The following ABTB3 variants were observed in gnomAD, a reference collection of about 807,000 sequenced individuals.
The protein encoded by ABTB3 is ankyrin repeat- and BTB/POZ domain-containing protein 3.
the ABTB3 span, among the ~76,000 whole-genome samples, chr12:107,436,139 A>T: frequency 6.6e-6 from 1 of 152,302 alleles, no homozygotes; most frequent in African/African-American, 2.4e-5. Context: ...ACATCTGCCA[A>T]CAAGGAGTTT....
chr12:107,652,126 C>T, the ABTB3 span, among the ~76,000 whole-genome samples: 1 of 152,252 alleles, frequency 6.6e-6, no homozygotes, highest in Non-Finnish European at 1.5e-5. Flanking sequence ...CAGGTGATGT[C>T]TCTGCTGCTG....
the ABTB3 span, among the ~76,000 whole-genome samples, chr12:107,584,910 A>G: frequency 1.3e-5 from 2 of 152,148 alleles, no homozygotes; most frequent in South Asian, 2.1e-4. Flanking sequence ...GTGGTGACCC[A>G]TTTATTCTTC....
the ABTB3 span, among the ~76,000 whole-genome samples, chr12:107,638,139 T>G: frequency 1.3e-3 from 199 of 152,212 alleles, no homozygotes; most frequent in African/African-American, 4.4e-3. Context: ...ACAGGTGATT[T>G]TTACCGTTTA....
At chr12:107,342,135 A>G in the ABTB3 span, among the ~76,000 whole-genome samples, 1 of 152,152 alleles carries the variant, frequency 6.6e-6, no homozygotes, top group African/African-American at 2.4e-5. Context: ...CTTCTTGGTG[A>G]CAGTTCCCTT....
the ABTB3 span, among the ~76,000 whole-genome samples, chr12:107,377,607 T>C: frequency 6.6e-6 from 1 of 152,164 alleles, no homozygotes; most frequent in Non-Finnish European, 1.5e-5. Flanking sequence ...TCAATCTAGC[T>C]CCTCATTGTG....
chr12:107,388,338 C>CCTTCTCCTCCT, the ABTB3 span, among the ~76,000 whole-genome samples: 4 of 151,484 alleles, frequency 2.6e-5, no homozygotes, highest in African/African-American at 9.7e-5. Context: ...CTTCTCCTCC[C>CCTTCTCCTCCT]TTTCTTTTTC....
At chr12:107,642,197 CTG>C in the ABTB3 span, 2 of 1,606,788 alleles carry the variant, frequency 1.2e-6, no homozygotes, top group South Asian at 1.1e-5. Context: ...GGCCTGGCCT[CTG>C]TGCTGGTTGG....
chr12:107,558,083 C>G, the ABTB3 span, among the ~76,000 whole-genome samples: 1 of 152,150 alleles, frequency 6.6e-6, no homozygotes. Context: ...TGAATAAAAC[C>G]AGCCATTTGA....
chr12:107,500,356 G>C, the ABTB3 span, among the ~76,000 whole-genome samples: 1 of 152,092 alleles, frequency 6.6e-6, no homozygotes, highest in Non-Finnish European at 1.5e-5. Flanking sequence ...CCACCCCCAG[G>C]TTGCCCTCAT....
chr12:107,391,165 A>T, the ABTB3 span, among the ~76,000 whole-genome samples: 1 of 152,170 alleles, frequency 6.6e-6, no homozygotes, highest in Non-Finnish European at 1.5e-5. Context: ...ATAAAAATAA[A>T]ATAAAATATT....
chr12:107,414,575 T>C, the ABTB3 span, among the ~76,000 whole-genome samples: 2 of 152,144 alleles, frequency 1.3e-5, no homozygotes, highest in East Asian at 3.8e-4. Flanking sequence ...GAGGCAGAAA[T>C]AAAGGTGGCG....
At chr12:107,648,397 C>CACACACACACACACACACAA in the ABTB3 span, among the ~76,000 whole-genome samples, 9 of 144,974 alleles carry the variant, frequency 6.2e-5, no homozygotes, top group African/African-American at 2.0e-4. Context: ...CACACACACA[C>CACACACACACACACACACAA]ACACACACAC....
the ABTB3 span, among the ~76,000 whole-genome samples, chr12:107,485,487 T>C: frequency 4.6e-5 from 7 of 152,176 alleles, no homozygotes; most frequent in African/African-American, 1.7e-4. Context: ...CTTCTTGAGA[T>C]GGAAGCTTTT....
the ABTB3 span, among the ~76,000 whole-genome samples, chr12:107,471,271 G>A: frequency 1.3e-5 from 2 of 152,208 alleles, no homozygotes; most frequent in Non-Finnish European, 2.9e-5. Context: ...AAGAAGTGAA[G>A]TAACCATCAC....
chr12:107,324,369 G>A, the ABTB3 span, among the ~76,000 whole-genome samples: 2 of 152,130 alleles, frequency 1.3e-5, no homozygotes, highest in Admixed American at 6.5e-5. Flanking sequence ...TTTGGTCAAA[G>A]GAAAATAGCT....
At chr12:107,362,330 G>A in the ABTB3 span, among the ~76,000 whole-genome samples, 1 of 152,230 alleles carries the variant, frequency 6.6e-6, no homozygotes, top group Non-Finnish European at 1.5e-5. Context: ...GCGTGGATGA[G>A]CTCAGCTATG....
the ABTB3 span, chr12:107,612,677 G>GCAT: frequency 8.7e-7 from 1 of 1,143,104 alleles, no homozygotes. Context: ...CGGAGCACAA[G>GCAT]CATGGCCTCC....
At chr12:107,510,851 G>A in the ABTB3 span, among the ~76,000 whole-genome samples, 2 of 152,194 alleles carry the variant, frequency 1.3e-5, no homozygotes, top group Non-Finnish European at 2.9e-5. Flanking sequence ...GAGCCTGGGA[G>A]GTGGAGGTTG....
the ABTB3 span, among the ~76,000 whole-genome samples, chr12:107,547,498 A>G: frequency 6.6e-6 from 1 of 152,162 alleles, no homozygotes; most frequent in Non-Finnish European, 1.5e-5. Flanking sequence ...ATGCTTCCAA[A>G]CCTTCTGGGA....
Sources: allele counts gnomAD v4.1 joint callset (sites outside exome capture counted in the v4.1 genomes callset), GRCh38; gene constraint gnomAD v4.1.1; transcripts MANE v1.5; gene names NCBI Gene and HGNC (gene_info 2026-07-23, HGNC 2026-07-21).